Variants in CNTNAP2 observed in about 807,000 individuals in gnomAD.
CNTNAP2 encodes the protein contactin associated protein 2, also known as contactin-associated protein-like 2.
A neutral mutation model predicts 155.2 loss-of-function variants in CNTNAP2; 98 were observed. The observed-to-expected ratio is 0.63, with a 90% CI of 0.54 to 0.75. The LOEUF is 0.75. CNTNAP2 is among the 30% of genes least tolerant of loss of function. CNTNAP2 has a pLI of 0.00. For synonymous variants in CNTNAP2, 651 were observed against 631.2 expected (o/e 1.03, Z -0.47); for missense variants, 1,727 against 1,688.1 (o/e 1.02, Z -0.40).
chr7:148,199,673 C>A (rs1795336671), intron 18 of CNTNAP2, among the ~76,000 whole-genome samples: 1 of 152,154 alleles, frequency 6.6e-6, no homozygotes, highest in Non-Finnish European at 1.5e-5. Context: ...GTGCTATAAG[C>A]ATAAAACACT....
Position 147,244,957 on chromosome 7 carries a change from G to A in CNTNAP2, c.1349-55184G>A, listed in dbSNP as rs190865493. ...ACTCTAGAAAGTAAAGCTGGGTAAA[G>A]TGACCTCAGTGTAGAAAACTTTTAT... On this transcript the variant is annotated intron_variant, in intron 8 of 23. Coordinates refer to ENST00000361727, the MANE Select transcript of CNTNAP2 (RefSeq NM_014141.6). Among the ~76,000 whole-genome samples, 409 of 152,260 alleles carry A rather than the reference G, an allele frequency of 2.7e-3. 1 individual carries two copies. The highest frequency in any genetic ancestry group is 9.2e-3 in the African/African-American group (382 of 41,546).
chr7:147,866,010 A>G (rs559818951), intron 13 of CNTNAP2, among the ~76,000 whole-genome samples: 38 of 151,944 alleles, frequency 2.5e-4, no homozygotes, highest in African/African-American at 8.9e-4. Context: ...TTTAATTGTG[A>G]TGTTAGGATG....
intron 1 of CNTNAP2, among the ~76,000 whole-genome samples, chr7:146,770,317 T>C (rs199643489): frequency 4.0e-4 from 58 of 143,772 alleles, no homozygotes; most frequent in African/African-American, 1.4e-3. Flanking sequence ...TGTGTGTGTA[T>C]ACACACACAC....
intron 8 of CNTNAP2, among the ~76,000 whole-genome samples, chr7:147,185,750 T>C (rs907677809): frequency 1.3e-5 from 2 of 152,124 alleles, no homozygotes; most frequent in African/African-American, 4.8e-5. Flanking sequence ...CCAAATCTCA[T>C]CTTGAATTGT....
chr7:147,362,661 T>C (rs1796164624), intron 9 of CNTNAP2, among the ~76,000 whole-genome samples: 1 of 152,202 alleles, frequency 6.6e-6, no homozygotes, highest in Non-Finnish European at 1.5e-5. Flanking sequence ...CTTTAACTAT[T>C]ACAGTAGTTG....
At chr7:146,905,944 C>A (rs1307521006) in intron 3 of CNTNAP2, among the ~76,000 whole-genome samples, 1 of 152,192 alleles carries the variant, frequency 6.6e-6, no homozygotes, top group Non-Finnish European at 1.5e-5. Context: ...GGTGCACGCA[C>A]CACACCGTGC....
rs1234419202 is a variant in CNTNAP2 at position 147,121,010 on chromosome 7, C to T, written c.786C>T (p.His262=). 1 of 1,613,906 alleles carries T rather than the reference C, an allele frequency of 6.2e-7. No homozygotes were observed. The highest frequency in any genetic ancestry group is 8.5e-7 in the Non-Finnish European group (1 of 1,179,990). The change falls in exon 6 of 24, where the codon CAC becomes CAT. Residue 262 remains histidine, a synonymous_variant. Coordinates refer to ENST00000361727, the MANE Select transcript of CNTNAP2 (RefSeq NM_014141.6). ...GSNQLGPIYG[H]TSVMTGSLLD... is the part of the protein sequence containing the mutation. ...ACCAGCTTGGCCCCATATATGGCCA[C>T]ACATCAGTGATGACAGGAAGTTTGC... is the stretch of plus-strand genomic sequence containing the variant.
At chr7:146,220,456 G>T (rs1451661141) in intron 1 of CNTNAP2, among the ~76,000 whole-genome samples, 1 of 152,134 alleles carries the variant, frequency 6.6e-6, no homozygotes, top group African/African-American at 2.4e-5. Flanking sequence ...GTTCAAGTCA[G>T]CCACAGCAAC....
At chr7:146,388,384 A>C (rs2129106138) in intron 1 of CNTNAP2, among the ~76,000 whole-genome samples, 1 of 152,234 alleles carries the variant, frequency 6.6e-6, no homozygotes, top group Non-Finnish European at 1.5e-5. Context: ...GCAGCGAGCC[A>C]TGACTGTGCC....
At chr7:147,002,166 A>G (rs1798437132) in intron 3 of CNTNAP2, among the ~76,000 whole-genome samples, 1 of 152,026 alleles carries the variant, frequency 6.6e-6, no homozygotes, top group African/African-American at 2.4e-5. Context: ...TTATATAATA[A>G]TTTACTGTGA....
At chr7:147,382,039 C>T (rs1020910335) in intron 9 of CNTNAP2, among the ~76,000 whole-genome samples, 1 of 151,906 alleles carries the variant, frequency 6.6e-6, no homozygotes, top group Non-Finnish European at 1.5e-5. Flanking sequence ...AATTAATTTT[C>T]ATTAAATCAA....
intron 4 of CNTNAP2, among the ~76,000 whole-genome samples, chr7:147,076,975 A>G (rs564795679): frequency 5.9e-5 from 9 of 152,152 alleles, no homozygotes; most frequent in Non-Finnish European, 1.2e-4. Context: ...ACATTGTATT[A>G]GTTTCCTGAG....
chr7:147,241,470 A>T (rs1453459661), intron 8 of CNTNAP2, among the ~76,000 whole-genome samples: 1 of 151,910 alleles, frequency 6.6e-6, no homozygotes, highest in Non-Finnish European at 1.5e-5. Flanking sequence ...TCTACTAAAA[A>T]TACAAAAATT....
At chr7:147,111,960 A>G (rs1488003596) in intron 5 of CNTNAP2, among the ~76,000 whole-genome samples, 1 of 152,090 alleles carries the variant, frequency 6.6e-6, no homozygotes, top group African/African-American at 2.4e-5. Context: ...TTTGGGCAAT[A>G]TGGCCATTTT....
chr7:148,221,397 C>T (rs967891434), intron 19 of CNTNAP2, among the ~76,000 whole-genome samples: 2 of 152,104 alleles, frequency 1.3e-5, no homozygotes, highest in South Asian at 2.1e-4. Context: ...CCTGGGTGTC[C>T]GATTCCAGAC....
intron 22 of CNTNAP2, among the ~76,000 whole-genome samples, chr7:148,400,977 C>T (rs1052734230): frequency 7.1e-6 from 1 of 140,666 alleles, no homozygotes; most frequent in Non-Finnish European, 1.5e-5. Context: ...GAGACTCCGC[C>T]TCAAAAAAAA....
intron 3 of CNTNAP2, among the ~76,000 whole-genome samples, chr7:146,873,930 G>T (rs1239491796): frequency 6.6e-6 from 1 of 152,066 alleles, no homozygotes; most frequent in African/African-American, 2.4e-5. Context: ...TTTCTTCCAA[G>T]AAAATATAGC....
chr7:147,410,471 T>C (rs900103744), intron 10 of CNTNAP2, among the ~76,000 whole-genome samples: 1 of 152,158 alleles, frequency 6.6e-6, no homozygotes, highest in Non-Finnish European at 1.5e-5. Context: ...TGAAATAATC[T>C]GTACAACAAA....
intron 13 of CNTNAP2, among the ~76,000 whole-genome samples, chr7:147,804,617 G>A (rs142915378): frequency 0.016 from 2,480 of 151,994 alleles, 88 homozygotes; most frequent in East Asian, 0.14. Context: ...ACAGTGGTGC[G>A]ATCTCGGCTC....
Sources: gnomAD v4.1 joint callset for allele counts (sites outside exome capture counted in the v4.1 genomes callset) on GRCh38, gnomAD v4.1.1 for gene constraint, MANE v1.5 for transcripts, NCBI Gene and HGNC (gene_info 2026-07-23, HGNC 2026-07-21) for gene names.